Variants in SEZ6L2 observed in about 807,000 individuals in gnomAD.
SEZ6L2 encodes seizure 6-like protein 2.
A neutral mutation model predicts 97.0 loss-of-function variants in SEZ6L2; 44 were observed. The ratio of observed to expected loss-of-function variants is 0.45; its 90% CI spans 0.36 to 0.58. The LOEUF (loss-of-function observed/expected upper bound fraction) is 0.58. SEZ6L2 is among the 20% of genes least tolerant of loss of function. The pLI is 0.00. For missense variants in SEZ6L2, 1,086 were observed against 1,233.3 expected, an observed-to-expected ratio of 0.88 and a Z score of 1.79; for synonymous variants, 543 against 546.1, an observed-to-expected ratio of 0.99 and a Z score of 0.08.
chr16:29,875,661 C>CTTTTTTTTTTTTTTTTTTT (rs149293940), intron 12 of SEZ6L2, among the ~76,000 whole-genome samples: 5 of 112,710 alleles, frequency 4.4e-5, no homozygotes, highest in Admixed American at 9.4e-5. Flanking sequence ...TTCTTTCTTT[C>CTTTTTTTTTTTTTTTTTTT]TTTCTTTTTT....
Position 29,871,609 on chromosome 16 carries a change from G to A in SEZ6L2, c.*90C>T. 1 of 1,342,988 alleles carries A rather than the reference G, an allele frequency of 7.4e-7. No individual in the cohort carries two copies. The highest frequency in any genetic ancestry group is 1.0e-6 in the Non-Finnish European group (1 of 954,896). 83.2% of individuals were successfully genotyped at this position (1,342,988 alleles called of 1,614,324 possible). A position where few individuals can be genotyped will look rare whatever the true frequency, so the allele number is the denominator to read the frequency against. On this transcript the variant is annotated 3_prime_UTR_variant, in exon 18 of 18. Coordinates refer to ENST00000617533, the MANE Select transcript of SEZ6L2 (RefSeq NM_001243332.2). ...ATTTACACAGCCAGGGAGGAGGGCA[G>A]CCAGGAGGCAGAGACCGGGTCCCGT...
chr16:29,886,924 A>G (rs1264122175), intron 7 of SEZ6L2, among the ~76,000 whole-genome samples: 1 of 151,908 alleles, frequency 6.6e-6, no homozygotes, highest in Non-Finnish European at 1.5e-5. Flanking sequence ...GCTCACGCCT[A>G]TAATTCCAGC....
At position 29,872,730 on chromosome 16, in the gene SEZ6L2, C is replaced by T. The variant is rs758349742; in HGVS notation, c.2502G>A (p.Glu834=). 2.5e-6 allele frequency: 4 copies of T among 1,612,928 alleles called. No homozygotes were observed. Among genetic ancestry groups the T allele is most frequent in the Non-Finnish European group, 3.4e-6 (4 of 1,179,750 alleles). Reference sequence around the variant, plus strand: ...CTTCCAGTTTTCGGTTGTCCAGGAGCTCCTCATAGGCAACTGCAGGGAGAG... The same window carrying T: ...CTTCCAGTTTTCGGTTGTCCAGGAGTTCCTCATAGGCAACTGCAGGGAGAG... The part of the protein sequence containing the change: ...QPPLCKVAYE[E]LLDNRKLEVT... The change falls in exon 15 of 18, where the codon GAG becomes GAA. Residue 834 remains glutamate, a synonymous_variant. Coordinates refer to ENST00000617533, the MANE Select transcript of SEZ6L2 (RefSeq NM_001243332.2).
chr16:29,873,692 C>T lies in SEZ6L2; in HGVS notation c.2142G>A (p.Gly714=). 6.2e-7 allele frequency: 1 copy of T among 1,607,588 alleles called. No homozygotes were observed. The highest frequency in any genetic ancestry group is 8.5e-7 in the Non-Finnish European group (1 of 1,177,832). The change falls in exon 13 of 18, where the codon GGG becomes GGA. Residue 714 remains glycine, a synonymous_variant. Coordinates refer to ENST00000617533, the MANE Select transcript of SEZ6L2 (RefSeq NM_001243332.2). The surrounding 1 kb of genome is among the most constrained non-coding windows in gnomAD (Gnocchi z 4.3). ...TCADPGEIAN[G]HRTASDAGFP... is the part of the protein sequence containing the mutation. ...AGCCGGCGTCCGAGGCGGTGCGGTG[C>T]CCGTTGGCAATCTCGCCAGGGTCAG... is the stretch of plus-strand genomic sequence containing the variant.
At chr16:29,883,134 G>A (rs1470434658) in intron 8 of SEZ6L2, among the ~76,000 whole-genome samples, 1 of 152,084 alleles carries the variant, frequency 6.6e-6, no homozygotes, top group African/African-American at 2.4e-5. Context: ...TTTCTCCCAT[G>A]ATTCATATCA....
rs139373007 is a variant in SEZ6L2 at position 29,873,406 on chromosome 16, C to G, written c.2322G>C (p.Pro774=). 1.2e-6 allele frequency: 2 copies of G among 1,614,134 alleles called. No homozygotes were observed. The highest frequency in any genetic ancestry group is 1.3e-5 in the African/African-American group (1 of 74,954). ...TCTGGTAGCCATTCTCGGGAACCCC[C>G]GGGTTCAGGCACGGCTCGTACTTCA... ...CALKYEPCLN[P]GVPENGYQTL... is the part of the protein sequence containing the mutation. Residue 774 remains proline (P), a synonymous_variant, in exon 14 of 18, where the codon CCG becomes CCC. Coordinates refer to ENST00000617533, the MANE Select transcript of SEZ6L2 (RefSeq NM_001243332.2). The surrounding 1 kb of genome is among the most constrained non-coding windows in gnomAD (Gnocchi z 4.3).
intron 10 of SEZ6L2, 100 bp from the exon 11 acceptor site, chr16:29,877,567 C>T (rs2067936623): frequency 9.2e-7 from 1 of 1,087,550 alleles, no homozygotes; most frequent in South Asian, 1.7e-5. Flanking sequence ...GCCCCTCCTA[C>T]TCTCCAGCCC....
At chr16:29,897,709 G>C in intron 2 of SEZ6L2, 144 bp downstream of exon 2, 2 of 999,498 alleles carry the variant, frequency 2.0e-6, no homozygotes, top group African/African-American at 3.3e-5. Flanking sequence ...GTCTCGTTCT[G>C]TGTTCCCTGA....
At chr16:29,893,824 G>A (rs2068324446) in intron 5 of SEZ6L2, among the ~76,000 whole-genome samples, 1 of 152,060 alleles carries the variant, frequency 6.6e-6, no homozygotes, top group African/African-American at 2.4e-5. Context: ...TAATAGCAGT[G>A]ACTGACAGTT....
chr16:29,899,195 GGCTAGGGGTC>G lies in SEZ6L2; in HGVS notation c.-186_-177del. 1.7e-6 allele frequency: 1 copy of G among 592,188 alleles called. No homozygotes were observed. The highest frequency in any genetic ancestry group is 2.9e-6 in the Non-Finnish European group (1 of 339,586). The allele number at this position is 592,188 out of a possible 1,614,324, so 36.7% of individuals were successfully genotyped here. ...CCCTTGGGATGGAGGGGCAGAATTG[GGCTAGGGGTC>G]GCCTGGAGCCCACCCCCCTTTGCTC... On this transcript the variant is annotated 5_prime_UTR_variant, in exon 1 of 18. Coordinates refer to ENST00000617533, the MANE Select transcript of SEZ6L2 (RefSeq NM_001243332.2).
intron 7 of SEZ6L2, among the ~76,000 whole-genome samples, chr16:29,887,347 A>T (rs1348557343): frequency 6.9e-6 from 1 of 145,554 alleles, no homozygotes; most frequent in African/African-American, 2.5e-5. Flanking sequence ...GTCTCCCAGG[A>T]TGGAGTGCAG....
At chr16:29,890,829 A>C (rs930254210) in intron 5 of SEZ6L2, among the ~76,000 whole-genome samples, 2 of 147,342 alleles carry the variant, frequency 1.4e-5, no homozygotes, top group Non-Finnish European at 3.0e-5. Flanking sequence ...GCTCATTGCA[A>C]CTTTTACCTC....
chr16:29,885,791 A>T (rs1340611672), intron 7 of SEZ6L2, 42 bp from the exon 8 acceptor site: 1 of 1,577,042 alleles, frequency 6.3e-7, no homozygotes, highest in Non-Finnish European at 8.7e-7. Context: ...AATCTCCCTC[A>T]CAAGCTGCCT....
rs2068306784 is a variant in SEZ6L2, at chr16:29,893,148, A to C, written c.853+2111T>G. On this transcript the variant is annotated intron_variant, in intron 5 of 17. Coordinates refer to ENST00000617533, the MANE Select transcript of SEZ6L2 (RefSeq NM_001243332.2). ...GAGACCAGCCTGACCAACATGGAGAAACCCCGTCTCTACTAAAAATACAAA... is the reference window on the plus strand; with the variant it reads ...GAGACCAGCCTGACCAACATGGAGACACCCCGTCTCTACTAAAAATACAAA... Among the ~76,000 whole-genome samples the C allele has an allele frequency of 3.3e-5, 5 of 151,706 alleles. No homozygotes were observed. In the South Asian group the frequency reaches 1.0e-3, roughly 32 times the overall value.
intron 10 of SEZ6L2, 29 bp from the exon 11 acceptor site, chr16:29,877,496 CG>C (rs746310462): frequency 1.3e-6 from 2 of 1,549,904 alleles, no homozygotes; most frequent in South Asian, 2.5e-5. Flanking sequence ...GGCAATGGGG[CG>C]GGGCTGCGAC....
At chr16:29,893,420 G>A (rs774009809) in intron 5 of SEZ6L2, among the ~76,000 whole-genome samples, 184 of 152,012 alleles carry the variant, frequency 1.2e-3, no homozygotes, top group Non-Finnish European at 2.1e-3. Flanking sequence ...GCCAAGGCGG[G>A]TGGATCACTT....
In SEZ6L2 at chr16:29,888,592, G is replaced by A. The variant is rs776839200; in HGVS notation, c.987C>T (p.Ile329=). Residue 329 remains isoleucine (I), a synonymous_variant, in exon 6 of 18, where the codon ATC becomes ATT. Transcript: ENST00000617533. ...AGGATGGCCGGGTGCCATTGAGGCA[G>A]ATGAGGGTCTCCTCTCCCTGCAGCT... is the stretch of plus-strand genomic sequence containing the variant. ...GYQLQGEETL[I]CLNGTRPSWN... 1 of 1,614,108 alleles carries A rather than the reference G, an allele frequency of 6.2e-7. No individual in the cohort carries two copies. Among genetic ancestry groups the A allele is most frequent in the Non-Finnish European group, 8.5e-7 (1 of 1,180,006 alleles).
intron 8 of SEZ6L2, among the ~76,000 whole-genome samples, chr16:29,883,416 A>G (rs1348415243): frequency 6.6e-6 from 1 of 151,810 alleles, no homozygotes; most frequent in Non-Finnish European, 1.5e-5. Flanking sequence ...GGTTCAAGTG[A>G]TCCTCCCACC....
At chr16:29,882,104 G>A (rs992906053) in intron 8 of SEZ6L2, among the ~76,000 whole-genome samples, 87 of 151,840 alleles carry the variant, frequency 5.7e-4, no homozygotes, top group Non-Finnish European at 1.1e-3. Flanking sequence ...CTGAGTAGCT[G>A]GGATTACAGG....
Sources: gnomAD v4.1 joint callset for allele counts (sites outside exome capture counted in the v4.1 genomes callset) on GRCh38, gnomAD v4.1.1 for gene constraint, Gnocchi (gnomAD v3.1) non-coding constraint, MANE v1.5 for transcripts, NCBI Gene and HGNC (gene_info 2026-07-23, HGNC 2026-07-21) for gene names.